Variants in TTLL10 observed in about 807,000 individuals in gnomAD.
The protein encoded by TTLL10 is inactive polyglycylase TTLL10.
In TTLL10, 61 loss-of-function variants were observed where a neutral mutation model predicts 69.0. That is an observed-to-expected ratio of 0.88 (90% CI 0.72 to 1.09). The LOEUF (loss-of-function observed/expected upper bound fraction) is 1.09. Ranked by LOEUF, TTLL10 falls within the 50% of genes least tolerant of loss-of-function variation. The probability of loss-of-function intolerance (pLI) is 0.00; values close to 1 mark genes in which losing one functional copy is unlikely to be tolerated. For synonymous variants in TTLL10, 408 were observed against 393.3 expected, an observed-to-expected ratio of 1.04 and a Z score of -0.44; for missense variants, 962 against 945.9, an observed-to-expected ratio of 1.02 and a Z score of -0.22.
chr1:1,186,643 CTTG>C (rs1490236965), intron 13 of TTLL10, among the ~76,000 whole-genome samples: 1 of 152,110 alleles, frequency 6.6e-6, no homozygotes, highest in Non-Finnish European at 1.5e-5. Flanking sequence ...CTCGCCAACA[CTTG>C]TTATTTTCCT....
At position 1,180,125 on chromosome 1, in the gene TTLL10, T is replaced by A; in HGVS notation, c.291T>A (p.Cys97Ter). 6.2e-7 allele frequency: 1 copy of A among 1,611,490 alleles called. No individual in the cohort carries two copies. The highest frequency in any genetic ancestry group is 8.5e-7 in the Non-Finnish European group (1 of 1,179,454). Residue 97 changes from cysteine to a stop codon, truncating the protein, a stop_gained, in exon 6 of 16, where the codon TGT becomes TGA. Coordinates refer to ENST00000379289, the MANE Select transcript of TTLL10 (RefSeq NM_001130045.2). LOFTEE classifies it high-confidence loss of function. ...SQPDHDADGHCGPDLEGAERA... is the reference protein window; with the variant it reads ...SQPDHDADGH Reference sequence around the variant, plus strand: ...CAGACCACGACGCAGATGGACACTGTGGGCCGGACCTGGAGGGGGCAGAAA... The same window carrying A: ...CAGACCACGACGCAGATGGACACTGAGGGCCGGACCTGGAGGGGGCAGAAA...
chr1:1,196,770 C>A, intron 14 of TTLL10, 54 bp downstream of exon 14: 1 of 1,251,496 alleles, frequency 8.0e-7, no homozygotes, highest in Non-Finnish European at 1.1e-6. Context: ...AGGCAGGGGC[C>A]ATCTGTACAC....
At chr1:1,189,037 C>T (rs1439102019) in intron 13 of TTLL10, among the ~76,000 whole-genome samples, 1 of 152,154 alleles carries the variant, frequency 6.6e-6, no homozygotes, top group African/African-American at 2.4e-5. Context: ...CACTTATTAG[C>T]TCCGTGTGTG....
intron 3 of TTLL10, among the ~76,000 whole-genome samples, chr1:1,178,604 T>A (rs1646943536): frequency 6.7e-6 from 1 of 149,996 alleles, no homozygotes; most frequent in Non-Finnish European, 1.5e-5. Flanking sequence ...AGCCCCAAGA[T>A]GGGTTTGTTT....
chr1:1,190,192 T>C (rs1457177246), intron 13 of TTLL10, among the ~76,000 whole-genome samples: 1 of 151,924 alleles, frequency 6.6e-6, no homozygotes, highest in Non-Finnish European at 1.5e-5. Flanking sequence ...CTTGTCATCC[T>C]TTTAATCAAT....
rs1355126308 is a variant in TTLL10 at position 1,181,622 on chromosome 1, C to T, written c.756-119C>T. ...GCACCGCCGTCCACCCAGCCACCTC[C>T]TTCCACCACAACTCACAGTCCGCCC... is the stretch of plus-strand genomic sequence containing the variant. On this transcript the variant is annotated intron_variant, in intron 8 of 15. Transcript: ENST00000379289. This position sits in a 1 kb window ranked among gnomAD's most constrained non-coding sequence, Gnocchi z 4.6. 1.9e-5 allele frequency: 18 copies of T among 925,984 alleles called. No individual in the cohort carries two copies. The highest frequency in any genetic ancestry group is 2.8e-5 in the Non-Finnish European group (17 of 609,778). The allele number at this position is 925,984 out of a possible 1,614,324, so 57.4% of individuals were successfully genotyped here. A position where few individuals can be genotyped will look rare whatever the true frequency, so the allele number is the denominator to read the frequency against.
At position 1,197,714 on chromosome 1, in the gene TTLL10, A is replaced by G. The variant is rs1250016571; in HGVS notation, c.1889A>G (p.Asp630Gly). 6.5e-7 allele frequency: 1 copy of G among 1,528,884 alleles called. No homozygotes were observed. 94.7% of individuals were successfully genotyped at this position (1,528,884 alleles called of 1,614,324 possible). A position where few individuals can be genotyped will look rare whatever the true frequency, so the allele number is the denominator to read the frequency against. The change falls in exon 16 of 16, where the codon GAC becomes GGC. Residue 630 changes from aspartate to glycine, a missense_variant. Asp to Gly is a moderately conservative substitution (Grantham distance 94). Transcript: ENST00000379289. ...CCCCGGCCACCCGGCCCCGACCTGG[A>G]CAGCGCCCACGATGGGGAGCCCCAG... is the stretch of plus-strand genomic sequence containing the variant. The part of the protein sequence containing the change: ...QRPRPPGPDL[D>G]SAHDGEPQAP...
chr1:1,183,470 C>G (rs138075510), intron 11 of TTLL10, among the ~76,000 whole-genome samples: 1 of 152,152 alleles, frequency 6.6e-6, no homozygotes, highest in African/African-American at 2.4e-5. Context: ...TTAGACCTGT[C>G]GACCTCACCC....
chr1:1,179,459 GC>G, intron 4 of TTLL10, 126 bp downstream of exon 4: 1 of 1,237,744 alleles, frequency 8.1e-7, no homozygotes, highest in Non-Finnish European at 1.1e-6. Flanking sequence ...ACATGGCCAT[GC>G]CCCGCTGCTC....
In TTLL10 at chr1:1,182,997, C is replaced by T. The variant is rs1647123998; in HGVS notation, c.1038C>T (p.Pro346=). The T allele has an allele frequency of 6.2e-7, 1 of 1,609,910 alleles. No homozygotes were observed. The highest frequency in any genetic ancestry group is 1.1e-5 in the South Asian group (1 of 90,360). ...AGACCCGGAGCATGGAGGACGACCC[C>T]ATCCACCACAAGACGCCGTTCCGGG... ...QAKTRSMEDD[P]IHHKTPFRGP... is the part of the protein sequence containing the mutation. Residue 346 remains proline (P), a synonymous_variant, in exon 11 of 16, where the codon CCC becomes CCT. Transcript: ENST00000379289.
At position 1,182,859 on chromosome 1, in the gene TTLL10, G is replaced by T; in HGVS notation, c.917-17G>T. ...GGTTGGGGGCGAGGCCAGGGGCTCA[G>T]GCCGCGCTCTCTGCAGAAACCCAGA... On this transcript the variant is annotated splice_polypyrimidine_tract_variant and intron_variant, in intron 10 of 15. Transcript: ENST00000379289. The T allele has an allele frequency of 1.3e-6, 2 of 1,548,336 alleles. No homozygotes were observed. The highest frequency in any genetic ancestry group is 1.7e-6 in the Non-Finnish European group (2 of 1,144,092).
chr1:1,177,242 G>A (rs1278844692), intron 3 of TTLL10, among the ~76,000 whole-genome samples: 2 of 151,906 alleles, frequency 1.3e-5, no homozygotes, highest in Non-Finnish European at 2.9e-5. Flanking sequence ...CTGTGCAAGT[G>A]TCGACATGTC....
At chr1:1,183,141 C>A (rs898941406) in intron 11 of TTLL10, 94 bp downstream of exon 11, 2 of 1,425,710 alleles carry the variant, frequency 1.4e-6, no homozygotes, top group South Asian at 2.8e-5. Flanking sequence ...AGCCCTTGGT[C>A]GTGGAAAGCA....
intron 13 of TTLL10, among the ~76,000 whole-genome samples, chr1:1,189,511 G>A (rs61768485): frequency 0.13 from 20,452 of 152,136 alleles, 2,517 homozygotes; most frequent in East Asian, 0.59. Context: ...TTTTAATGAG[G>A]ATTTTTGTGT....
rs370878292 is a variant in TTLL10 at position 1,182,750 on chromosome 1, G to T, written c.917-126G>T. The T allele has an allele frequency of 4.5e-6, 6 of 1,338,034 alleles. No homozygotes were observed. In the African/African-American group the frequency reaches 7.4e-5, roughly 17 times the overall value. 82.9% of individuals were successfully genotyped at this position (1,338,034 alleles called of 1,614,324 possible). A position where few individuals can be genotyped will look rare whatever the true frequency, so the allele number is the denominator to read the frequency against. ...AGCTGGGGCCAGGCGTGTGGTTAGC[G>T]CAGGGCCAAGGTTGGAATGGCCGGG... On this transcript the variant is annotated intron_variant, in intron 10 of 15. Transcript: ENST00000379289.
chr1:1,195,026 T>C (rs887392585), intron 13 of TTLL10, among the ~76,000 whole-genome samples: 2 of 152,194 alleles, frequency 1.3e-5, no homozygotes, highest in African/African-American at 4.8e-5. Context: ...AGGGTTTCTG[T>C]CACCCAAGAT....
intron 13 of TTLL10, among the ~76,000 whole-genome samples, chr1:1,192,127 G>C (rs12021582): frequency 6.6e-6 from 1 of 152,066 alleles, no homozygotes; most frequent in Non-Finnish European, 1.5e-5. Context: ...AGGTCTGTTT[G>C]GTTTATAATG....
At chr1:1,188,226 G>A (rs1647486810) in intron 13 of TTLL10, among the ~76,000 whole-genome samples, 1 of 150,252 alleles carries the variant, frequency 6.7e-6, no homozygotes, top group African/African-American at 2.5e-5. Context: ...CTTTATGCCA[G>A]TACCACATGG....
At chr1:1,174,741 G>A (rs1054908353) in intron 3 of TTLL10, 2 of 152,214 alleles carry the variant, frequency 1.3e-5, no homozygotes, top group African/African-American at 2.4e-5. Flanking sequence ...AGGAGCCAGC[G>A]GCTCCCGGCG....
Sources: allele counts gnomAD v4.1 joint callset (sites outside exome capture counted in the v4.1 genomes callset), GRCh38; gene constraint gnomAD v4.1.1; non-coding constraint Gnocchi (gnomAD v3.1); transcripts MANE v1.5; gene names NCBI Gene and HGNC (gene_info 2026-07-23, HGNC 2026-07-21).